PANK2: variants seen among roughly 807,000 people sequenced by gnomAD.
PANK2 encodes the protein pantothenate kinase 2, mitochondrial.
A neutral mutation model predicts 43.1 loss-of-function variants in PANK2; 36 were observed. The ratio of observed to expected loss-of-function variants is 0.84; its 90% CI spans 0.64 to 1.10. The LOEUF (loss-of-function observed/expected upper bound fraction) is 1.10. Among genes scored for constraint, PANK2 ranks in the 50% least tolerant of loss-of-function variants. PANK2 has a pLI of 0.00. For synonymous variants in PANK2, 281 were observed against 238.2 expected (o/e 1.18, Z -1.66); for missense variants, 576 against 593.3 (o/e 0.97, Z 0.30).
intron 1 of PANK2, among the ~76,000 whole-genome samples, chr20:3,892,854 C>A (rs1013917104): frequency 2.6e-5 from 4 of 152,106 alleles, no homozygotes; most frequent in Non-Finnish European, 5.9e-5. Flanking sequence ...CCCAAACCGG[C>A]CCTTGTCCCA....
At chr20:3,891,765 A>G (rs1417134156) in intron 1 of PANK2, among the ~76,000 whole-genome samples, 1 of 152,212 alleles carries the variant, frequency 6.6e-6, no homozygotes, top group African/African-American at 2.4e-5. Flanking sequence ...CTCAAAGACC[A>G]CACTCAGAAA....
At chr20:3,895,149 C>T (rs1240084724) in intron 1 of PANK2, among the ~76,000 whole-genome samples, 1 of 152,094 alleles carries the variant, frequency 6.6e-6, no homozygotes, top group Admixed American at 6.6e-5. Context: ...TGGCTCACAC[C>T]TGTAATCCCA....
At position 3,910,558 on chromosome 20, in the gene PANK2, C is replaced by T. The variant is rs756566283; in HGVS notation, c.652-19C>T. The T allele has an allele frequency of 1.9e-6, 3 of 1,613,928 alleles. No individual in the cohort carries two copies. The highest frequency in any genetic ancestry group is 2.2e-5 in the East Asian group (1 of 44,870). On this transcript the variant is annotated intron_variant, in intron 2 of 6. Coordinates refer to ENST00000610179, the MANE Select transcript of PANK2 (RefSeq NM_001386393.1). Reference sequence around the variant, plus strand: ...GTTGGCTTATTAAAAAGTCTGAGTACATTCTTATTTCATTACAGATAGGTG... The same window carrying T: ...GTTGGCTTATTAAAAAGTCTGAGTATATTCTTATTTCATTACAGATAGGTG...
chr20:3,897,390 C>T (rs945236942), intron 1 of PANK2, among the ~76,000 whole-genome samples: 3 of 152,060 alleles, frequency 2.0e-5, no homozygotes, highest in Non-Finnish European at 4.4e-5. Flanking sequence ...AACTAGAAGG[C>T]AGGGGCCTTC....
chr20:3,888,963 G>A (rs71647825), upstream of PANK2: 1,376 of 647,334 alleles, frequency 2.1e-3, 19 homozygotes, highest in African/African-American at 0.023. Context: ...CGCTGCGGGA[G>A]CACTGCTGGG....
At chr20:3,893,423 A>G (rs565551521) in intron 1 of PANK2, among the ~76,000 whole-genome samples, 1 of 152,318 alleles carries the variant, frequency 6.6e-6, no homozygotes, top group East Asian at 1.9e-4. Flanking sequence ...TAAATAGAGT[A>G]AAATGTACAA....
In PANK2 at chr20:3,927,289, C is replaced by A. The variant is rs1243732344; in HGVS notation, c.*3995C>A. On this transcript the variant is annotated 3_prime_UTR_variant, in exon 7 of 7. Coordinates refer to ENST00000610179, the MANE Select transcript of PANK2 (RefSeq NM_001386393.1). ...GTGGCACATGGATGTTCCCTCTGTT[C>A]AAAGGCATATGCACAACACTATTTT... 1 of 152,178 alleles carries A rather than the reference C, an allele frequency of 6.6e-6. No homozygotes were observed. The allele number at this position is 152,178 out of a possible 1,614,324, so 9.4% of individuals were successfully genotyped here. A position where few individuals can be genotyped will look rare whatever the true frequency, so the allele number is the denominator to read the frequency against.
At chr20:3,903,336 C>T (rs542709251) in intron 1 of PANK2, among the ~76,000 whole-genome samples, 5 of 151,388 alleles carry the variant, frequency 3.3e-5, no homozygotes, top group South Asian at 2.1e-4. Flanking sequence ...TTAGTAGAAA[C>T]GAGGTTTTGC....
intron 2 of PANK2, 132 bp downstream of exon 2, chr20:3,908,410 A>G: frequency 1.1e-6 from 1 of 920,424 alleles, no homozygotes; most frequent in Admixed American, 2.3e-5. Flanking sequence ...GATTAAAGGT[A>G]CGCTAGTGAT....
At chr20:3,920,706 G>A (rs138801194) in intron 6 of PANK2, among the ~76,000 whole-genome samples, 33 of 152,052 alleles carry the variant, frequency 2.2e-4, no homozygotes, top group South Asian at 4.2e-4. Flanking sequence ...TTAGCTGGAC[G>A]TGGTGGCACA....
chr20:3,904,265 C>T (rs946390019), intron 1 of PANK2, among the ~76,000 whole-genome samples: 16 of 152,050 alleles, frequency 1.1e-4, no homozygotes, highest in African/African-American at 3.6e-4. Flanking sequence ...AGGAAATTAA[C>T]ATGGACAAAC....
chr20:3,889,335 C>T (rs1469624662), upstream of PANK2: 11 of 1,587,644 alleles, frequency 6.9e-6, no homozygotes, highest in Non-Finnish European at 9.4e-6. Context: ...GTCGGATTGG[C>T]TTCCTGCGCG....
intron 4 of PANK2, among the ~76,000 whole-genome samples, chr20:3,915,379 A>G (rs886147020): frequency 2.0e-5 from 3 of 151,702 alleles, no homozygotes; most frequent in South Asian, 2.1e-4. Flanking sequence ...GCTCACTGCA[A>G]CCTCCACCTC....
At chr20:3,892,622 T>G (rs6116081) in intron 1 of PANK2, among the ~76,000 whole-genome samples, 76,371 of 144,750 alleles carry the variant, frequency 0.53, 20,243 homozygotes, top group East Asian at 0.66. Flanking sequence ...GTTGCAGTGA[T>G]CGAAGATCGC....
intron 4 of PANK2, among the ~76,000 whole-genome samples, chr20:3,913,791 T>C (rs1157233947): frequency 9.3e-6 from 1 of 107,220 alleles, no homozygotes; most frequent in Non-Finnish European, 1.9e-5. Context: ...TATATATATA[T>C]TTTTTTTTTT....
chr20:3,920,401 C>T (rs2090627766), intron 6 of PANK2, among the ~76,000 whole-genome samples: 1 of 152,092 alleles, frequency 6.6e-6, no homozygotes, highest in South Asian at 2.1e-4. Flanking sequence ...CTATAATCCC[C>T]AGCTACTCGG....
Position 3,908,285 on chromosome 20 carries a change from A to T in PANK2, c.651+7A>T. On this transcript the variant is annotated splice_region_variant and intron_variant, in intron 2 of 6. Coordinates refer to ENST00000610179, the MANE Select transcript of PANK2 (RefSeq NM_001386393.1). ...TGAGCAGGATTTTCTCACAGTATGC[A>T]TTTTTTAGCTTATATACAATTTATG... is the stretch of plus-strand genomic sequence containing the variant. 1 of 1,583,038 alleles carries T rather than the reference A, an allele frequency of 6.3e-7. No homozygotes were observed. The highest frequency in any genetic ancestry group is 8.6e-7 in the Non-Finnish European group (1 of 1,161,402).
In PANK2 at chr20:3,927,630, G is replaced by A. The variant is rs946820522; in HGVS notation, c.*4336G>A. The A allele has an allele frequency of 6.6e-6, 1 of 152,232 alleles. No individual in the cohort carries two copies. The highest frequency in any genetic ancestry group is 2.4e-5 in the African/African-American group (1 of 41,462). The allele number at this position is 152,232 out of a possible 1,614,324, so 9.4% of individuals were successfully genotyped here. On this transcript the variant is annotated 3_prime_UTR_variant, in exon 7 of 7. Coordinates refer to ENST00000610179, the MANE Select transcript of PANK2 (RefSeq NM_001386393.1). ...TGGCAATGATGTCAGAAGACCAAGA[G>A]GCGATAGTTACCAGCAACACTCTAG...
Position 3,927,314 on chromosome 20 carries a change from T to C in PANK2, c.*4020T>C, listed in dbSNP as rs903852708. On this transcript the variant is annotated 3_prime_UTR_variant, in exon 7 of 7. Coordinates refer to ENST00000610179, the MANE Select transcript of PANK2 (RefSeq NM_001386393.1). ...CAAAGGCATATGCACAACACTATTT[T>C]TCAAAATTTGCTTTTATTTACACGT... is the stretch of plus-strand genomic sequence containing the variant. 1.3e-5 allele frequency: 2 copies of C among 152,214 alleles called. No individual in the cohort carries two copies. Among genetic ancestry groups the C allele is most frequent in the Non-Finnish European group, 2.9e-5 (2 of 68,042 alleles). The allele number at this position is 152,214 out of a possible 1,614,324, so 9.4% of individuals were successfully genotyped here.
Sources: gnomAD v4.1 joint callset for allele counts (sites outside exome capture counted in the v4.1 genomes callset) on GRCh38, gnomAD v4.1.1 for gene constraint, MANE v1.5 for transcripts, NCBI Gene and HGNC (gene_info 2026-07-23, HGNC 2026-07-21) for gene names.